CDK13: variants seen among roughly 807,000 people sequenced by gnomAD.
CDK13 encodes cyclin dependent kinase 13.
CDK13 carries 40 observed loss-of-function variants against 137.6 expected under a neutral mutation model. The ratio of observed to expected loss-of-function variants is 0.29; its 90% CI spans 0.23 to 0.38. The LOEUF (loss-of-function observed/expected upper bound fraction) is 0.38, where lower values mean the gene tolerates loss of function less well. Among genes scored for constraint, CDK13 ranks in the 10% least tolerant of loss-of-function variants. The pLI, the probability that CDK13 is intolerant of heterozygous loss-of-function variation, is 1.00. For synonymous variants in CDK13, 869 were observed against 760.1 expected (o/e 1.14, Z -2.36); for missense variants, 1,704 against 1,951.8 (o/e 0.87, Z 2.39).
intron 1 of CDK13, among the ~76,000 whole-genome samples, chr7:39,979,841 G>A (rs925672164): frequency 1.3e-5 from 2 of 152,142 alleles, no homozygotes; most frequent in East Asian, 1.9e-4. Context: ...GAGAACTCAC[G>A]TGATGACAGG....
chr7:40,088,340 T>C lies in CDK13; in HGVS notation c.3235+9T>C. ...CTCAAATGTGGCACCTGGTCAGTAA[T>C]GCTTCCATGGGTTGGTTTTCTTCAC... On this transcript the variant is annotated intron_variant, in intron 12 of 13. Transcript: ENST00000181839. 6.2e-7 allele frequency: 1 copy of C among 1,603,144 alleles called. No individual in the cohort carries two copies. The highest frequency in any genetic ancestry group is 8.5e-7 in the Non-Finnish European group (1 of 1,170,690).
chr7:40,082,668 G>A (rs1786692296), intron 11 of CDK13, among the ~76,000 whole-genome samples: 1 of 151,364 alleles, frequency 6.6e-6, no homozygotes, highest in South Asian at 2.1e-4. Context: ...GCGTGTGCCT[G>A]TAATCCCAGC....
intron 5 of CDK13, among the ~76,000 whole-genome samples, chr7:40,044,686 G>C (rs1785695708): frequency 6.6e-6 from 1 of 152,128 alleles, no homozygotes; most frequent in African/African-American, 2.4e-5. Context: ...ACCCAGGCTA[G>C]AGTGCAGTAG....
chr7:40,044,485 A>C (rs1785689516), intron 5 of CDK13, among the ~76,000 whole-genome samples: 1 of 150,638 alleles, frequency 6.6e-6, no homozygotes. Context: ...CGCCAGGCTA[A>C]TTTTTGTAGT....
chr7:40,067,791 T>C (rs2150529667), intron 9 of CDK13: 1 of 151,340 alleles, frequency 6.6e-6, no homozygotes, highest in African/African-American at 2.4e-5. Context: ...ATCCCCCATA[T>C]CTACTAAAAA....
chr7:40,035,291 G>A (rs1785457611), intron 5 of CDK13, among the ~76,000 whole-genome samples: 3 of 152,166 alleles, frequency 2.0e-5, no homozygotes, highest in Admixed American at 2.0e-4. Context: ...ATGACCCACA[G>A]TTTGAAAAAC....
At chr7:39,978,750 T>C (rs1037012074) in intron 1 of CDK13, among the ~76,000 whole-genome samples, 1 of 152,220 alleles carries the variant, frequency 6.6e-6, no homozygotes, top group Non-Finnish European at 1.5e-5. Flanking sequence ...ACAGCATTTC[T>C]GACAAGCTCA....
At chr7:39,979,477 A>T (rs1479064438) in intron 1 of CDK13, among the ~76,000 whole-genome samples, 1 of 152,040 alleles carries the variant, frequency 6.6e-6, no homozygotes, top group Non-Finnish European at 1.5e-5. Context: ...CGGCTTCCCA[A>T]AGTGCTGTGA....
chr7:40,003,196 A>ACTCTCTCT (rs1181645921), intron 5 of CDK13, among the ~76,000 whole-genome samples: 5 of 107,606 alleles, frequency 4.6e-5, no homozygotes, highest in African/African-American at 1.5e-4. Context: ...ACACACACAC[A>ACTCTCTCT]CACACACACA....
At position 39,951,537 on chromosome 7, in the gene CDK13, C is replaced by T. The variant is rs751967639; in HGVS notation, c.896C>T (p.Ala299Val). Residue 299 changes from alanine to valine, a missense_variant, in exon 1 of 14, where the codon GCC (alanine) becomes GTC (valine). This residue lies in a region of CDK13 where 1,051 missense variants were observed against 931.0 expected (regional missense o/e 1.13). Coordinates refer to ENST00000181839, the MANE Select transcript of CDK13 (RefSeq NM_003718.5). ...PPSAYKEPPK[A>V]YREDKTEPKA... The stretch of plus-strand genomic sequence containing the variant: ...TCGGCCTACAAGGAACCGCCCAAGG[C>T]CTACCGGGAGGACAAGACCGAGCCT... The T allele has an allele frequency of 3.3e-6, 5 of 1,536,610 alleles. No homozygotes were observed. The highest frequency in any genetic ancestry group is 2.0e-4 in the Middle Eastern group (1 of 5,110).
At chr7:39,960,618 C>T (rs1787588457) in intron 1 of CDK13, among the ~76,000 whole-genome samples, 1 of 151,794 alleles carries the variant, frequency 6.6e-6, no homozygotes, top group Non-Finnish European at 1.5e-5. Flanking sequence ...GTCGCCCAGG[C>T]TGTAGTGCAG....
intron 7 of CDK13, chr7:40,059,394 C>CT (rs1786091317): frequency 6.6e-6 from 1 of 152,528 alleles, no homozygotes; most frequent in Non-Finnish European, 1.5e-5. Flanking sequence ...GAGTCTCGCT[C>CT]TGTCACCCGG....
rs1784784477 is a variant in CDK13 at position 40,005,676 on chromosome 7, G to A, written c.2353+3645G>A. ...GTTAAGTGGTATCACCAAGTCATGG[G>A]TATATTTTTGTGTAGAAACTTGCAG... is the stretch of plus-strand genomic sequence containing the variant. On this transcript the variant is annotated intron_variant, in intron 5 of 13. Transcript: ENST00000181839. 3.3e-5 allele frequency among the ~76,000 whole-genome samples: 5 copies of A among 152,256 alleles called. No homozygotes were observed. In the South Asian group the frequency reaches 8.3e-4, roughly 25 times the overall value.
rs1787133086 is a variant in CDK13, at chr7:39,950,805, C to T, written c.164C>T (p.Pro55Leu). 2 of 1,459,972 alleles carry T rather than the reference C, an allele frequency of 1.4e-6. No homozygotes were observed. Among genetic ancestry groups the T allele is most frequent in the Non-Finnish European group, 1.8e-6 (2 of 1,113,464 alleles). 90.4% of individuals were successfully genotyped at this position (1,459,972 alleles called of 1,614,324 possible). ...CAGCTCCTGCAACCGCCGCCGCCCC[C>T]GCCGCCTCTGCTCTTCCTGGCTGCT... Reference protein sequence around the residue: ...QPQLLQPPPPPPPLLFLAAPG... With the variant: ...QPQLLQPPPPLPPLLFLAAPG... The change falls in exon 1 of 14, where the codon CCG becomes CTG. Residue 55 changes from proline (P) to leucine (L), a missense_variant. Around this residue, in one of 5 missense-constraint regions of CDK13, gnomAD observed 1,051 missense variants for 931.0 expected, o/e 1.13. Transcript: ENST00000181839.
chr7:39,972,937 GTT>G (rs1784030875), intron 1 of CDK13, among the ~76,000 whole-genome samples: 1 of 152,122 alleles, frequency 6.6e-6, no homozygotes, highest in Admixed American at 6.5e-5. Flanking sequence ...GAGGGTTCCA[GTT>G]TCTTCACATC....
intron 7 of CDK13, among the ~76,000 whole-genome samples, chr7:40,059,609 G>A (rs555569274): frequency 6.6e-6 from 1 of 152,184 alleles, no homozygotes; most frequent in South Asian, 2.1e-4. Flanking sequence ...CACCCACCTC[G>A]GCCTCCCAAA....
At chr7:40,018,077 TA>T (rs922675908) in intron 5 of CDK13, among the ~76,000 whole-genome samples, 4 of 150,938 alleles carry the variant, frequency 2.7e-5, no homozygotes, top group Admixed American at 2.0e-4. Context: ...CTTTCCCCTT[TA>T]AAAAAAAAGA....
chr7:40,083,059 C>T (rs538790429), intron 11 of CDK13, among the ~76,000 whole-genome samples: 8 of 149,644 alleles, frequency 5.3e-5, no homozygotes, highest in South Asian at 2.1e-4. Context: ...GCCGAGATCG[C>T]GCCACTGCGC....
At chr7:39,958,946 G>T (rs1009538562) in intron 1 of CDK13, among the ~76,000 whole-genome samples, 6 of 151,530 alleles carry the variant, frequency 4.0e-5, no homozygotes, top group African/African-American at 1.2e-4. Flanking sequence ...TCCATTATTG[G>T]TTTTTTTTGT....
Sources: allele counts gnomAD v4.1 joint callset (sites outside exome capture counted in the v4.1 genomes callset), GRCh38; gene constraint gnomAD v4.1.1; regional missense constraint gnomAD v4.1.1; transcripts MANE v1.5; gene names NCBI Gene and HGNC (gene_info 2026-07-23, HGNC 2026-07-21).